The following TMEM67 variants were observed in gnomAD, a reference collection of about 807,000 sequenced individuals.
The protein encoded by TMEM67 is meckelin.
A neutral mutation model predicts 136.6 loss-of-function variants in TMEM67; 124 were observed. The observed-to-expected ratio is 0.91, with a 90% CI of 0.78 to 1.05. The LOEUF is 1.05. Ranked by LOEUF, TMEM67 falls within the 50% of genes least tolerant of loss-of-function variation. TMEM67 has a pLI of 0.00. For missense variants in TMEM67, 1,107 were observed against 1,178.4 expected (o/e 0.94, Z 0.89); for synonymous variants, 364 against 390.5 (o/e 0.93, Z 0.80).
the TMEM67 span, among the ~76,000 whole-genome samples, chr8:93,827,016 A>G: frequency 3.3e-5 from 5 of 152,150 alleles, no homozygotes; most frequent in African/African-American, 1.2e-4. Flanking sequence ...TTTTTAGTAG[A>G]GACAAGGTTT....
intron 23 of TMEM67, among the ~76,000 whole-genome samples, chr8:93,807,013 A>G (rs547947400): frequency 2.0e-4 from 30 of 152,148 alleles, no homozygotes; most frequent in Non-Finnish European, 4.1e-4. Context: ...CAATGGAAAA[A>G]TGACCAATAG....
At chr8:93,763,982 T>G in intron 4 of TMEM67, 41 bp downstream of exon 4, 3 of 1,178,516 alleles carry the variant, frequency 2.5e-6, no homozygotes, top group South Asian at 1.2e-5. Context: ...AATATCATCT[T>G]ATATTAGTGT....
chr8:93,793,796 C>A (rs535724402), intron 16 of TMEM67, among the ~76,000 whole-genome samples: 3 of 152,214 alleles, frequency 2.0e-5, no homozygotes, highest in Non-Finnish European at 4.4e-5. Flanking sequence ...AAATATATGA[C>A]CAAATAAATA....
chr8:93,776,766 G>A (rs1383146157), intron 7 of TMEM67, among the ~76,000 whole-genome samples: 1 of 152,144 alleles, frequency 6.6e-6, no homozygotes, highest in Non-Finnish European at 1.5e-5. Context: ...GTATTTTATT[G>A]AGGATTTTTG....
chr8:93,761,280 CAA>C (rs1012302386), intron 3 of TMEM67, among the ~76,000 whole-genome samples: 14 of 152,274 alleles, frequency 9.2e-5, no homozygotes, highest in South Asian at 8.3e-4. Flanking sequence ...GCCTGGGCAA[CAA>C]GAGTGAAACT....
At chr8:93,791,393 T>C in intron 15 of TMEM67, 74 bp downstream of exon 15, 1 of 1,117,414 alleles carries the variant, frequency 8.9e-7, no homozygotes, top group South Asian at 1.4e-5. Flanking sequence ...TGCAAGAAGT[T>C]GCTAAAACAA....
intron 14 of TMEM67, among the ~76,000 whole-genome samples, chr8:93,790,226 C>G (rs1419223889): frequency 1.3e-5 from 2 of 152,212 alleles, no homozygotes; most frequent in Non-Finnish European, 2.9e-5. Context: ...TGTCTCTGCT[C>G]TTTATCTGGT....
At chr8:93,824,582 G>C in the TMEM67 span, among the ~76,000 whole-genome samples, 1,576 of 152,214 alleles carry the variant, frequency 0.01, 23 homozygotes, top group African/African-American at 0.036. Flanking sequence ...GGATAAAGAG[G>C]CACAGTAGAA....
At chr8:93,800,854 C>T (rs1372356051) in intron 21 of TMEM67, among the ~76,000 whole-genome samples, 1 of 152,150 alleles carries the variant, frequency 6.6e-6, no homozygotes, top group African/African-American at 2.4e-5. Flanking sequence ...TGAAACATAA[C>T]TTATTGTTTA....
In TMEM67 at chr8:93,759,376, T is replaced by A. The variant is rs1056546249; in HGVS notation, c.406+800T>A. ...TACTCGAGAGGCAAAGGTGGGAAGATCGCTTGAGCCTGGAAGGTCAAGGCT... is the reference window on the plus strand; with the variant it reads ...TACTCGAGAGGCAAAGGTGGGAAGAACGCTTGAGCCTGGAAGGTCAAGGCT... On this transcript the variant is annotated intron_variant, in intron 3 of 27. Coordinates refer to ENST00000453321, the MANE Select transcript of TMEM67 (RefSeq NM_153704.6). 2.0e-5 allele frequency: 3 copies of A among 148,930 alleles called. No homozygotes were observed. The Admixed American group carries it at 2.0e-4, about 10-fold the overall frequency. The allele number at this position is 148,930 out of a possible 1,614,324, so 9.2% of individuals were successfully genotyped here. A position where few individuals can be genotyped will look rare whatever the true frequency, so the allele number is the denominator to read the frequency against.
At chr8:93,754,851 T>G (rs766326438), upstream of TMEM67, 1 of 1,510,262 alleles carries the variant, frequency 6.6e-7, no homozygotes, top group Non-Finnish European at 9.2e-7. Flanking sequence ...TCCAATCAGC[T>G]CAGCGAAGCC....
chr8:93,795,391 C>CT lies in TMEM67; in HGVS notation c.1675-10dup, dbSNP rs752404927. The CT allele has an allele frequency of 1.3e-4, 216 of 1,602,788 alleles. No individual in the cohort carries two copies. Among genetic ancestry groups the CT allele is most frequent in the Middle Eastern group, 9.9e-4 (6 of 6,040 alleles). On this transcript the variant is annotated splice_polypyrimidine_tract_variant and intron_variant, in intron 16 of 27. Transcript: ENST00000453321. Reference sequence around the variant, plus strand: ...CATGGAGTCTTAAACAGCTGTAATTCTTTTTTTTAAATTGCAGACAGTTGT... The same window carrying CT: ...CATGGAGTCTTAAACAGCTGTAATTCTTTTTTTTTAAATTGCAGACAGTTGT...
intron 3 of TMEM67, chr8:93,759,143 CTA>C (rs1274611585): frequency 6.6e-6 from 1 of 151,980 alleles, no homozygotes; most frequent in Non-Finnish European, 1.5e-5. Context: ...AGGATGCAAA[CTA>C]TGCACTTAAG....
chr8:93,798,747 A>C (rs1406587215), intron 20 of TMEM67, among the ~76,000 whole-genome samples: 1 of 151,774 alleles, frequency 6.6e-6, no homozygotes, highest in Non-Finnish European at 1.5e-5. Context: ...TTGTATCCCT[A>C]GGGCTTTAAA....
At chr8:93,808,203 T>C (rs1331294254) in intron 23 of TMEM67, among the ~76,000 whole-genome samples, 1 of 148,020 alleles carries the variant, frequency 6.8e-6, no homozygotes, top group East Asian at 1.9e-4. Flanking sequence ...TAAATATATA[T>C]ATATGCTCTA....
chr8:93,767,685 A>ATCTGGC (rs201782863), intron 6 of TMEM67, among the ~76,000 whole-genome samples: 4,889 of 147,892 alleles, frequency 0.033, 116 homozygotes, highest in Non-Finnish European at 0.053. Context: ...ATTGTCCTAT[A>ATCTGGC]TCTGGCCAAT....
chr8:93,788,441 T>C (rs1021679668), intron 14 of TMEM67, among the ~76,000 whole-genome samples: 17 of 152,148 alleles, frequency 1.1e-4, no homozygotes, highest in African/African-American at 3.9e-4. Context: ...CGCACATCTG[T>C]AATCCCAGCT....
intron 3 of TMEM67, among the ~76,000 whole-genome samples, chr8:93,761,787 T>G (rs1329076119): frequency 1.3e-5 from 2 of 152,226 alleles, no homozygotes; most frequent in African/African-American, 4.8e-5. Flanking sequence ...CAGCACTATT[T>G]TATGTACTTG....
At chr8:93,804,166 C>T (rs954544051) in intron 22 of TMEM67, among the ~76,000 whole-genome samples, 1 of 151,826 alleles carries the variant, frequency 6.6e-6, no homozygotes, top group African/African-American at 2.4e-5. Flanking sequence ...GCCACTGTGC[C>T]CAGCCTGTTT....
Sources: allele counts gnomAD v4.1 joint callset (sites outside exome capture counted in the v4.1 genomes callset), GRCh38; gene constraint gnomAD v4.1.1; transcripts MANE v1.5; gene names NCBI Gene and HGNC (gene_info 2026-07-23, HGNC 2026-07-21).